Variants in MIDEAS observed in about 807,000 individuals in gnomAD.
The protein encoded by MIDEAS is mitotic deacetylase-associated SANT domain protein.
Under a neutral mutation model 102.7 loss-of-function variants are expected in MIDEAS, and 26 were observed. That is an observed-to-expected ratio of 0.25 (90% CI 0.19 to 0.35). The LOEUF is 0.35. Among genes scored for constraint, MIDEAS ranks in the 10% least tolerant of loss-of-function variants. MIDEAS has a pLI of 1.00. For synonymous variants in MIDEAS, 585 were observed against 591.0 expected (o/e 0.99, Z 0.15); for missense variants, 1,231 against 1,435.6 (o/e 0.86, Z 2.30).
At chr14:73,723,230 C>G (rs1246003284) in intron 9 of MIDEAS, 1 of 157,106 alleles carries the variant, frequency 6.4e-6, no homozygotes, top group East Asian at 1.9e-4. Context: ...CTGCAACCTC[C>G]GCCTCCCAGG....
At chr14:73,736,967 T>C (rs1300356834) in intron 3 of MIDEAS, 31 bp downstream of exon 3, 16 of 1,598,864 alleles carry the variant, frequency 1.0e-5, no homozygotes, top group Non-Finnish European at 1.4e-5. Context: ...ACTCACGCGC[T>C]GGAGGTGTTT....
intron 1 of MIDEAS, among the ~76,000 whole-genome samples, chr14:73,747,780 G>A (rs541387056): frequency 4.9e-4 from 75 of 152,206 alleles, no homozygotes; most frequent in African/African-American, 1.7e-3. Context: ...GCAGGGGAAG[G>A]GCTAAAGGGC....
At chr14:73,760,781 AC>A (rs1425872714), upstream of MIDEAS, among the ~76,000 whole-genome samples, 1 of 152,158 alleles carries the variant, frequency 6.6e-6, no homozygotes, top group African/African-American at 2.4e-5. This position sits in a 1 kb window ranked among gnomAD's most constrained non-coding sequence, Gnocchi z 4.8. Context: ...CCTAGAAAGG[AC>A]CCACCATCTC....
intron 10 of MIDEAS, 164 bp downstream of exon 10, chr14:73,722,534 G>A (rs2053008685): frequency 2.9e-6 from 2 of 687,650 alleles, no homozygotes; most frequent in Non-Finnish European, 4.9e-6. Flanking sequence ...GCAGTATAGA[G>A]AGGAGAACCC....
chr14:73,737,221 G>A lies in MIDEAS; in HGVS notation c.1526C>T (p.Pro509Leu). 6.2e-7 allele frequency: 1 copy of A among 1,614,174 alleles called. No individual in the cohort carries two copies. ...TTKCGVEFSE[P>L]SLATKRARED... ...TCGTGCTCGCTTGGTGGCTAAGGAA[G>A]GCTCAGAAAACTCCACCCCACACTT... Residue 509 changes from proline (P) to leucine (L), a missense_variant, in exon 3 of 13, where the codon CCT becomes CTT. Pro to Leu is a moderately conservative substitution (Grantham distance 98). This residue lies in a region of MIDEAS where 758 missense variants were observed against 856.0 expected (regional missense o/e 0.89). Transcript: ENST00000423556.
intron 1 of MIDEAS, chr14:73,758,682 T>G (rs2053516258): frequency 6.5e-6 from 1 of 154,426 alleles, no homozygotes; most frequent in African/African-American, 2.4e-5. Flanking sequence ...CCACCGTAGT[T>G]GTGACCAACA....
chr14:73,721,421 G>T lies in MIDEAS; in HGVS notation c.2813C>A (p.Pro938His), dbSNP rs1405600799. The T allele has an allele frequency of 1.2e-6, 2 of 1,613,996 alleles. No homozygotes were observed. Among genetic ancestry groups the T allele is most frequent in the Admixed American group, 3.3e-5 (2 of 59,996 alleles). The change falls in exon 11 of 13, where the codon CCC becomes CAC. Residue 938 changes from proline (P) to histidine (H), a missense_variant. Transcript: ENST00000423556. Reference protein sequence around the residue: ...RLEPKREVKEPRKEGEEEVPE... With the variant: ...RLEPKREVKEHRKEGEEEVPE... ...CACCTCCTCCTCCCCCTCCTTCCTG[G>T]GCTCCTTCACCTCCCTCTTGGGCTC... is the stretch of plus-strand genomic sequence containing the variant.
intron 1 of MIDEAS, among the ~76,000 whole-genome samples, chr14:73,750,728 C>T (rs1362930217): frequency 6.6e-6 from 1 of 152,266 alleles, no homozygotes; most frequent in African/African-American, 2.4e-5. Flanking sequence ...TCCAATTCCT[C>T]GTTCCACAGA....
At chr14:73,746,608 ACTACCTCCCTTCC>A (rs1332444036) in intron 1 of MIDEAS, among the ~76,000 whole-genome samples, 1 of 152,198 alleles carries the variant, frequency 6.6e-6, no homozygotes, top group African/African-American at 2.4e-5. Flanking sequence ...AGGCTGCTGC[ACTACCTCCCTTCC>A]CTTCTGGAAA....
Position 73,722,862 on chromosome 14 carries a change from A to G in MIDEAS, c.2575-15T>C. ...TTGGTCTGGATCTGGTTTGAAGTCAAAACTGAGGTCAGAACCCTCTGGTTT... is the reference window on the plus strand; with the variant it reads ...TTGGTCTGGATCTGGTTTGAAGTCAGAACTGAGGTCAGAACCCTCTGGTTT... On this transcript the variant is annotated splice_polypyrimidine_tract_variant and intron_variant, in intron 9 of 12. Coordinates refer to ENST00000423556, the MANE Select transcript of MIDEAS (RefSeq NM_001367710.1). 6 of 1,613,582 alleles carry G rather than the reference A, an allele frequency of 3.7e-6. No individual in the cohort carries two copies. The highest frequency in any genetic ancestry group is 5.1e-6 in the Non-Finnish European group (6 of 1,179,668).
chr14:73,746,871 G>A (rs896730347), intron 1 of MIDEAS, among the ~76,000 whole-genome samples: 4 of 152,338 alleles, frequency 2.6e-5, no homozygotes, highest in African/African-American at 7.2e-5. Flanking sequence ...TGCAAGCCAG[G>A]CTCTGGGAGA....
chr14:73,730,028 C>T lies in MIDEAS; in HGVS notation c.1750-43G>A, dbSNP rs1228443712. 4 of 1,589,598 alleles carry T rather than the reference C, an allele frequency of 2.5e-6. No homozygotes were observed. The South Asian group carries it at 4.4e-5, about 18-fold the overall frequency. Reference sequence around the variant, plus strand: ...ACAAGGACGGCTCAGCCCCCCGTGTCCCAGAGAAAGTAAAGTCTTAACCAC... The same window carrying T: ...ACAAGGACGGCTCAGCCCCCCGTGTTCCAGAGAAAGTAAAGTCTTAACCAC... On this transcript the variant is annotated intron_variant, in intron 3 of 12. Coordinates refer to ENST00000423556, the MANE Select transcript of MIDEAS (RefSeq NM_001367710.1).
At chr14:73,752,818 T>A (rs1302096075) in intron 1 of MIDEAS, among the ~76,000 whole-genome samples, 1 of 152,248 alleles carries the variant, frequency 6.6e-6, no homozygotes, top group South Asian at 2.1e-4. Flanking sequence ...TTATTCTTTA[T>A]TGTTCCTGAA....
At chr14:73,786,787 G>A (rs1012988355) in intron 1 of MIDEAS, among the ~76,000 whole-genome samples, 1 of 152,224 alleles carries the variant, frequency 6.6e-6, no homozygotes, top group Non-Finnish European at 1.5e-5. Context: ...GGCGCTGGGC[G>A]GAGGGCTGGC....
At chr14:73,741,972 T>G (rs1235987449) in intron 1 of MIDEAS, among the ~76,000 whole-genome samples, 2 of 152,276 alleles carry the variant, frequency 1.3e-5, no homozygotes, top group South Asian at 2.1e-4. Context: ...AGCTGCGGGC[T>G]GCAGAAACAA....
intron 11 of MIDEAS, among the ~76,000 whole-genome samples, 165 bp downstream of exon 11, chr14:73,721,132 T>C (rs2052982846): frequency 6.6e-6 from 1 of 152,180 alleles, no homozygotes; most frequent in Non-Finnish European, 1.5e-5. Context: ...CCTAACCACA[T>C]AGGGTAGTGA....
At chr14:73,753,054 G>A (rs188515061) in intron 1 of MIDEAS, among the ~76,000 whole-genome samples, 2 of 152,232 alleles carry the variant, frequency 1.3e-5, no homozygotes, top group East Asian at 1.9e-4. Context: ...ATACCTTTAA[G>A]GGGGAGGACA....
intron 3 of MIDEAS, among the ~76,000 whole-genome samples, chr14:73,733,970 G>A (rs779908795): frequency 1.2e-4 from 18 of 151,966 alleles, no homozygotes; most frequent in Non-Finnish European, 1.9e-4. Flanking sequence ...TGAGATTACA[G>A]GCGTGAGCCA....
rs971529335 is a variant in MIDEAS at position 73,759,380 on chromosome 14, A to C, written c.-248+383T>G. Among the ~76,000 whole-genome samples, 2 of 151,828 alleles carry C rather than the reference A, an allele frequency of 1.3e-5. No homozygotes were observed. The highest frequency in any genetic ancestry group is 2.9e-5 in the Non-Finnish European group (2 of 67,898). On this transcript the variant is annotated intron_variant, in intron 1 of 12. Coordinates refer to ENST00000423556, the MANE Select transcript of MIDEAS (RefSeq NM_001367710.1). The surrounding 1 kb of genome is among the most constrained non-coding windows in gnomAD (Gnocchi z 6.7). The stretch of plus-strand genomic sequence containing the variant: ...TCTCCAGCGGAGGAGGAGCAGCCGG[A>C]TTCCCGAGCCGCCGCGGGCCGCCGG...
Sources: allele counts gnomAD v4.1 joint callset (sites outside exome capture counted in the v4.1 genomes callset), GRCh38; gene constraint gnomAD v4.1.1; regional missense constraint gnomAD v4.1.1; non-coding constraint Gnocchi (gnomAD v3.1); transcripts MANE v1.5; gene names NCBI Gene and HGNC (gene_info 2026-07-23, HGNC 2026-07-21).